The following FBXL17 variants were observed in gnomAD, a reference collection of about 807,000 sequenced individuals.
The protein encoded by FBXL17 is F-box and leucine rich repeat protein 17.
In FBXL17, 22 loss-of-function variants were observed where a neutral mutation model predicts 66.2. That is an observed-to-expected ratio of 0.33 (90% CI 0.24 to 0.47). The LOEUF (loss-of-function observed/expected upper bound fraction) is 0.47, where lower values mean the gene tolerates loss of function less well. Ranked by LOEUF, FBXL17 falls within the 20% of genes least tolerant of loss-of-function variation. The pLI, the probability that FBXL17 is intolerant of heterozygous loss-of-function variation, is 1.00. For missense variants in FBXL17, 878 were observed against 948.2 expected (o/e 0.93, Z 0.97); for synonymous variants, 474 against 400.5 (o/e 1.18, Z -2.19).
chr5:108,137,360 C>T (rs939841689), intron 6 of FBXL17, among the ~76,000 whole-genome samples: 7 of 152,082 alleles, frequency 4.6e-5, no homozygotes, highest in Admixed American at 3.9e-4. Flanking sequence ...TTCTCTCATA[C>T]GTTATTTGGA....
intron 1 of FBXL17, among the ~76,000 whole-genome samples, chr5:108,380,450 G>T (rs1000950271): frequency 4.6e-5 from 7 of 152,128 alleles, no homozygotes; most frequent in Admixed American, 1.3e-4. Context: ...TCTAATAATA[G>T]CTGAACCCTG....
intron 4 of FBXL17, among the ~76,000 whole-genome samples, chr5:108,249,472 T>C (rs547464447): frequency 9.2e-5 from 14 of 152,162 alleles, no homozygotes; most frequent in Non-Finnish European, 1.6e-4. Flanking sequence ...TATAGAAACA[T>C]ATCTAATCAG....
chr5:108,376,390 AC>A (rs1269282648), intron 1 of FBXL17, among the ~76,000 whole-genome samples: 1 of 152,210 alleles, frequency 6.6e-6, no homozygotes, highest in Non-Finnish European at 1.5e-5. Context: ...GAGAATAAAC[AC>A]AAAAATTAAT....
At chr5:108,371,118 G>A (rs1245168961) in intron 1 of FBXL17, among the ~76,000 whole-genome samples, 3 of 152,166 alleles carry the variant, frequency 2.0e-5, no homozygotes, top group Non-Finnish European at 4.4e-5. Context: ...CAGAGAATGT[G>A]AGAAGACTTG....
At chr5:107,983,488 C>T (rs980463132) in intron 7 of FBXL17, among the ~76,000 whole-genome samples, 15 of 151,806 alleles carry the variant, frequency 9.9e-5, no homozygotes, top group African/African-American at 2.9e-4. Context: ...GCCACTGGGC[C>T]CACCCAGCAT....
At chr5:108,230,763 A>C (rs1379795120) in intron 4 of FBXL17, among the ~76,000 whole-genome samples, 1 of 149,612 alleles carries the variant, frequency 6.7e-6, no homozygotes, top group East Asian at 2.0e-4. Context: ...AAGGCATAAG[A>C]ATGATAGAAT....
intron 7 of FBXL17, among the ~76,000 whole-genome samples, chr5:107,900,548 G>A (rs1028022544): frequency 3.9e-5 from 6 of 152,068 alleles, no homozygotes; most frequent in African/African-American, 1.4e-4. Flanking sequence ...ACAACAAACT[G>A]TTCTAACTAA....
At chr5:108,084,284 T>C (rs1748887153) in intron 6 of FBXL17, among the ~76,000 whole-genome samples, 6 of 152,242 alleles carry the variant, frequency 3.9e-5, no homozygotes, top group South Asian at 4.1e-4. Context: ...GTACGGTCTC[T>C]GCATGAAAAA....
At chr5:108,253,979 A>C (rs1241070424) in intron 4 of FBXL17, among the ~76,000 whole-genome samples, 2 of 152,124 alleles carry the variant, frequency 1.3e-5, no homozygotes, top group Non-Finnish European at 2.9e-5. Flanking sequence ...GTCTCAAAAA[A>C]AGAAAAGAAA....
chr5:107,879,126 A>G (rs1748701036), intron 8 of FBXL17: 7 of 985,308 alleles, frequency 7.1e-6, no homozygotes, highest in Non-Finnish European at 8.4e-6. Context: ...TCCTGTAGTA[A>G]CTGTAACATA....
chr5:108,117,385 GCTAA>G (rs1184285033), intron 6 of FBXL17, among the ~76,000 whole-genome samples: 17 of 152,096 alleles, frequency 1.1e-4, no homozygotes, highest in Non-Finnish European at 1.9e-4. Context: ...AAACGTATAA[GCTAA>G]CTGATTGCTA....
intron 4 of FBXL17, among the ~76,000 whole-genome samples, chr5:108,228,719 A>T (rs1030192686): frequency 1.6e-4 from 24 of 152,302 alleles, no homozygotes; most frequent in African/African-American, 5.1e-4. Flanking sequence ...AAAAGAGTGT[A>T]TTTAAAGCAT....
chr5:107,877,415 C>T (rs980770214), intron 8 of FBXL17, among the ~76,000 whole-genome samples: 1 of 152,032 alleles, frequency 6.6e-6, no homozygotes, highest in Non-Finnish European at 1.5e-5. Context: ...GGGTGGGGGT[C>T]GTGGGGGGAA....
At chr5:108,109,499 C>A (rs565817136) in intron 6 of FBXL17, among the ~76,000 whole-genome samples, 1 of 152,122 alleles carries the variant, frequency 6.6e-6, no homozygotes, top group Non-Finnish European at 1.5e-5. Context: ...TTTCATCAAA[C>A]CTAGCATAAA....
At chr5:108,295,750 C>T (rs1294214085) in intron 4 of FBXL17, among the ~76,000 whole-genome samples, 1 of 151,896 alleles carries the variant, frequency 6.6e-6, no homozygotes, top group Admixed American at 6.6e-5. Context: ...AGTAACACTT[C>T]ACAAATTTGG....
chr5:108,045,862 T>C (rs1747234179), intron 6 of FBXL17, among the ~76,000 whole-genome samples: 1 of 152,186 alleles, frequency 6.6e-6, no homozygotes. Context: ...AATTTGAAGT[T>C]TGTTTTATGG....
chr5:108,068,749 G>T (rs890717001), intron 6 of FBXL17, among the ~76,000 whole-genome samples: 41 of 152,190 alleles, frequency 2.7e-4, no homozygotes, highest in African/African-American at 9.4e-4. Flanking sequence ...GAGCCACTGC[G>T]CCCGGCCAAT....
Position 107,881,940 on chromosome 5 carries a change from T to G in FBXL17, c.1823-761A>C, listed in dbSNP as rs533597796. On this transcript the variant is annotated intron_variant, in intron 7 of 8. Coordinates refer to ENST00000542267, the MANE Select transcript of FBXL17 (RefSeq NM_001163315.3). ...CAGACACTTATCCCATAATCTATGA[T>G]GTGCACTACTAATCACTGCAAAGTC... Among the ~76,000 whole-genome samples the G allele has an allele frequency of 2.4e-3, 370 of 152,346 alleles. 1 individual carries two copies. The highest frequency in any genetic ancestry group is 4.0e-3 in the Non-Finnish European group (274 of 68,036).
chr5:108,080,174 A>G lies in FBXL17; in HGVS notation c.1746-59173T>C, dbSNP rs142727586. Among the ~76,000 whole-genome samples the G allele has an allele frequency of 1.1e-3, 175 of 152,362 alleles. 2 individuals are homozygous for G. Among genetic ancestry groups the G allele is most frequent in the African/African-American group, 4.1e-3 (169 of 41,592 alleles). ...TATCTTAGCAAAGAACTACAACCAGATAAATTTACCTTACAGCAAAATTTT... is the reference window on the plus strand; with the variant it reads ...TATCTTAGCAAAGAACTACAACCAGGTAAATTTACCTTACAGCAAAATTTT... On this transcript the variant is annotated intron_variant, in intron 6 of 8. Transcript: ENST00000542267.
Sources: allele counts gnomAD v4.1 joint callset (sites outside exome capture counted in the v4.1 genomes callset), GRCh38; gene constraint gnomAD v4.1.1; transcripts MANE v1.5; gene names NCBI Gene and HGNC (gene_info 2026-07-23, HGNC 2026-07-21).